NID2: variants seen among roughly 807,000 people sequenced by gnomAD.
NID2 encodes the protein nidogen-2.
In NID2, 83 loss-of-function variants were observed where a neutral mutation model predicts 145.4. That is an observed-to-expected ratio of 0.57 (90% CI 0.48 to 0.69). The LOEUF (loss-of-function observed/expected upper bound fraction) is 0.69, where lower values mean the gene tolerates loss of function less well. NID2 is among the 30% of genes least tolerant of loss of function. NID2 has a pLI of 0.00. For synonymous variants in NID2, 739 were observed against 701.3 expected (o/e 1.05, Z -0.85); for missense variants, 1,807 against 1,765.7 (o/e 1.02, Z -0.42).
intron 2 of NID2, among the ~76,000 whole-genome samples, chr14:52,063,334 G>T (rs1893077449): frequency 6.6e-6 from 1 of 152,230 alleles, no homozygotes; most frequent in African/African-American, 2.4e-5. Context: ...TCCACAGGGA[G>T]AGGAGCAGCA....
intron 1 of NID2, among the ~76,000 whole-genome samples, 159 bp downstream of exon 1, chr14:52,068,596 CTACAGCAGCGGG>C (rs1893308731): frequency 6.6e-6 from 1 of 152,218 alleles, no homozygotes; most frequent in South Asian, 2.1e-4. Context: ...TCTTGCTCCC[CTACAGCAGCGGG>C]GCAGGCAGCG....
chr14:52,015,231 T>C lies in NID2; in HGVS notation c.3073A>G (p.Asn1025Asp). Reference sequence around the variant, plus strand: ...GTGCCACCGTAGTGCTCCAGCAGGTTTTCCCTCCAGCGCTCACAGATGGTC... The same window carrying C: ...GTGCCACCGTAGTGCTCCAGCAGGTCTTCCCTCCAGCGCTCACAGATGGTC... ...PPTICERWRE[N>D]LLEHYGGTPR... Residue 1025 changes from asparagine (N) to aspartate (D), a missense_variant, in exon 15 of 22, where the codon AAC becomes GAC. Transcript: ENST00000216286. 6.2e-7 allele frequency: 1 copy of C among 1,613,646 alleles called. No individual in the cohort carries two copies. Among genetic ancestry groups the C allele is most frequent in the East Asian group, 2.2e-5 (1 of 44,824 alleles).
intron 5 of NID2, among the ~76,000 whole-genome samples, chr14:52,045,429 C>A (rs537997215): frequency 6.6e-6 from 1 of 151,996 alleles, no homozygotes; most frequent in East Asian, 1.9e-4. Context: ...AGTATAGGGC[C>A]TTGATGACTT....
intron 2 of NID2, among the ~76,000 whole-genome samples, chr14:52,064,548 G>A (rs1893123805): frequency 6.6e-6 from 1 of 152,214 alleles, no homozygotes; most frequent in South Asian, 2.1e-4. Flanking sequence ...CCTGAGGGCA[G>A]AGCCCTCATG....
chr14:52,057,013 T>C (rs900327943), intron 3 of NID2, among the ~76,000 whole-genome samples: 1 of 152,090 alleles, frequency 6.6e-6, no homozygotes, highest in African/African-American at 2.4e-5. Context: ...AAGAAAACAA[T>C]TGACTAGGAA....
chr14:52,030,626 G>GAGAAAA (rs1891820118), intron 9 of NID2, among the ~76,000 whole-genome samples: 1 of 124,854 alleles, frequency 8.0e-6, no homozygotes, highest in African/African-American at 2.9e-5. Flanking sequence ...AAGAAAGAAA[G>GAGAAAA]AGAAAGAAAG....
At chr14:52,020,203 A>G in intron 12 of NID2, 25 bp from the exon 13 acceptor site, 1 of 1,612,368 alleles carries the variant, frequency 6.2e-7, no homozygotes, top group Non-Finnish European at 8.5e-7. Flanking sequence ...AACAGAAGAA[A>G]GAAGCAAAGA....
At chr14:52,006,473 A>G (rs1890786698) in intron 20 of NID2, 64 bp downstream of exon 20, 2 of 1,590,292 alleles carry the variant, frequency 1.3e-6, no homozygotes, top group East Asian at 4.5e-5. Context: ...TTTTGGTAAA[A>G]CAAGTGGTGT....
chr14:52,027,236 A>T lies in NID2; in HGVS notation c.2639T>A (p.Leu880Gln). The T allele has an allele frequency of 6.3e-7, 1 of 1,576,742 alleles. No individual in the cohort carries two copies. Among genetic ancestry groups the T allele is most frequent in the Non-Finnish European group, 8.6e-7 (1 of 1,161,796 alleles). Residue 880 changes from leucine (L) to glutamine (Q), a missense_variant, in exon 12 of 22, where the codon CTG becomes CAG. Leu to Gln is a moderately radical substitution (Grantham distance 113). Transcript: ENST00000216286. ...GTGCCCATCGCCGGCATAACCAGGC[A>T]GGCAGGCACAGCTGAACGTGCTGCC... ...HGGSTFSCAC[L>Q]PGYAGDGHQC... is the part of the protein sequence containing the mutation.
chr14:52,031,833 T>C (rs2140383656), intron 9 of NID2, among the ~76,000 whole-genome samples: 1 of 152,352 alleles, frequency 6.6e-6, no homozygotes, highest in Middle Eastern at 3.4e-3. Context: ...ATACTGAGCC[T>C]TCAATGAGGA....
intron 19 of NID2, 124 bp from the exon 20 acceptor site, chr14:52,006,784 G>A: frequency 9.9e-7 from 1 of 1,012,624 alleles, no homozygotes; most frequent in Non-Finnish European, 1.5e-6. Flanking sequence ...TACAGTCATA[G>A]ATTAGCAACT....
chr14:52,014,412 G>GC lies in NID2; in HGVS notation c.3294dup (p.Pro1099AlafsTer36). 6.2e-7 allele frequency: 1 copy of GC among 1,614,108 alleles called. No homozygotes were observed. The highest frequency in any genetic ancestry group is 1.1e-5 in the South Asian group (1 of 91,074). On this transcript the variant is annotated frameshift_variant, in exon 16 of 22. Coordinates refer to ENST00000216286, the MANE Select transcript of NID2 (RefSeq NM_007361.4). LOFTEE classifies it high-confidence loss of function. ...CCCACAGATGGAGGGGTCACATCTG[G>GC]CCGGGGCGTGGGCCGGACCATGGGT... is the stretch of plus-strand genomic sequence containing the variant.
rs1434145006 is a variant in NID2 at position 52,015,379 on chromosome 14, T to G, written c.3029-104A>C. The G allele has an allele frequency of 1.1e-5, 12 of 1,092,096 alleles. No homozygotes were observed. In the African/African-American group the frequency reaches 1.7e-4, roughly 16 times the overall value. The allele number at this position is 1,092,096 out of a possible 1,614,324, so 67.7% of individuals were successfully genotyped here. ...CCCATGCCTGGCCTCCTGGCCTTCC[T>G]TCTCCTACTGTCCAGGTCTCAGCCA... On this transcript the variant is annotated intron_variant, in intron 14 of 21. Coordinates refer to ENST00000216286, the MANE Select transcript of NID2 (RefSeq NM_007361.4).
chr14:52,046,563 T>C (rs1892503998), intron 5 of NID2, among the ~76,000 whole-genome samples: 1 of 151,126 alleles, frequency 6.6e-6, no homozygotes, highest in South Asian at 2.1e-4. Context: ...GGTGGAGTCA[T>C]AGCTTTTATC....
chr14:52,026,272 G>A (rs1317187660), intron 12 of NID2, among the ~76,000 whole-genome samples: 1 of 152,228 alleles, frequency 6.6e-6, no homozygotes, highest in Non-Finnish European at 1.5e-5. Flanking sequence ...CCCAGGAATT[G>A]CAAAGCTGTT....
chr14:52,021,579 G>T (rs1891402697), intron 12 of NID2, among the ~76,000 whole-genome samples: 1 of 152,154 alleles, frequency 6.6e-6, no homozygotes, highest in Non-Finnish European at 1.5e-5. Flanking sequence ...TAATTAGAAG[G>T]TAAGTATTCT....
chr14:52,047,501 TGA>T (rs1892545350), intron 5 of NID2, among the ~76,000 whole-genome samples: 1 of 151,816 alleles, frequency 6.6e-6, no homozygotes, highest in African/African-American at 2.4e-5. Flanking sequence ...TTCATCTGAG[TGA>T]GATGGGAAGC....
chr14:52,065,449 C>G (rs1042450005), intron 2 of NID2, among the ~76,000 whole-genome samples: 1 of 135,708 alleles, frequency 7.4e-6, no homozygotes, highest in Non-Finnish European at 1.5e-5. Flanking sequence ...AAACAGAATC[C>G]TCCTTTCTTT....
intron 5 of NID2, among the ~76,000 whole-genome samples, chr14:52,046,488 C>T (rs1392917701): frequency 6.6e-6 from 1 of 152,032 alleles, no homozygotes; most frequent in Non-Finnish European, 1.5e-5. Context: ...TATTCTGAGG[C>T]TGAATTATGA....
Sources: gnomAD v4.1 joint callset for allele counts (sites outside exome capture counted in the v4.1 genomes callset) on GRCh38, gnomAD v4.1.1 for gene constraint, MANE v1.5 for transcripts, NCBI Gene and HGNC (gene_info 2026-07-23, HGNC 2026-07-21) for gene names.